Variants in TRIM44 observed in about 807,000 individuals in gnomAD.
TRIM44 encodes the protein tripartite motif-containing protein 44.
In TRIM44, 13 loss-of-function variants were observed where a neutral mutation model predicts 37.4. The ratio of observed to expected loss-of-function variants is 0.35; its 90% CI spans 0.23 to 0.55. The LOEUF is 0.55. Among genes scored for constraint, TRIM44 ranks in the 20% least tolerant of loss-of-function variants. The probability of loss-of-function intolerance (pLI) is 0.89; values close to 1 mark genes in which losing one functional copy is unlikely to be tolerated. For missense variants in TRIM44, 426 were observed against 437.2 expected (o/e 0.97, Z 0.23); for synonymous variants, 175 against 157.2 (o/e 1.11, Z -0.85).
In TRIM44 at chr11:35,816,306, T is replaced by G. The variant is rs1853579800; in HGVS notation, c.*9921T>G. ...CACAGAAGAGAAAATAAATAAGGTG[T>G]GGTGCGTATCCATCCTCTTCCCAAC... is the stretch of plus-strand genomic sequence containing the variant. On this transcript the variant is annotated 3_prime_UTR_variant, in exon 5 of 5. Coordinates refer to ENST00000299413, the MANE Select transcript of TRIM44 (RefSeq NM_017583.6). 6.6e-6 allele frequency: 1 copy of G among 152,056 alleles called. No individual in the cohort carries two copies. The highest frequency in any genetic ancestry group is 1.5e-5 in the Non-Finnish European group (1 of 68,012). The allele number at this position is 152,056 out of a possible 1,614,324, so 9.4% of individuals were successfully genotyped here.
At chr11:35,762,283 T>TC (rs1365274530) in intron 4 of TRIM44, among the ~76,000 whole-genome samples, 1 of 152,234 alleles carries the variant, frequency 6.6e-6, no homozygotes, top group East Asian at 1.9e-4. Context: ...GCATTTTTTT[T>TC]CCTTCCTGTC....
chr11:35,685,724 C>A (rs773136125), intron 2 of TRIM44, among the ~76,000 whole-genome samples: 1 of 152,020 alleles, frequency 6.6e-6, no homozygotes, highest in South Asian at 2.1e-4. Flanking sequence ...AGTGCAGTGG[C>A]GCAATCTTGG....
intron 4 of TRIM44, among the ~76,000 whole-genome samples, chr11:35,741,850 T>G (rs556943539): frequency 2.6e-5 from 4 of 152,334 alleles, no homozygotes; most frequent in Admixed American, 2.6e-4. Flanking sequence ...TGGATATAAC[T>G]AAGACTTTGT....
chr11:35,710,032 A>G (rs1458336671), intron 2 of TRIM44, among the ~76,000 whole-genome samples: 2 of 152,216 alleles, frequency 1.3e-5, no homozygotes, highest in African/African-American at 4.8e-5. Context: ...ACAGTTCAGC[A>G]GTTGCCTTAT....
At chr11:35,713,917 A>G (rs1852008162) in intron 2 of TRIM44, among the ~76,000 whole-genome samples, 1 of 152,176 alleles carries the variant, frequency 6.6e-6, no homozygotes, top group African/African-American at 2.4e-5. Flanking sequence ...TGTATCATTG[A>G]AGTAGACTGA....
chr11:35,712,149 G>A (rs1252298551), intron 2 of TRIM44, among the ~76,000 whole-genome samples: 1 of 152,144 alleles, frequency 6.6e-6, no homozygotes, highest in Non-Finnish European at 1.5e-5. Context: ...GCATAGGTCT[G>A]TTGCCTGTTC....
intron 2 of TRIM44, among the ~76,000 whole-genome samples, chr11:35,700,021 T>C (rs1463633239): frequency 6.6e-6 from 1 of 152,166 alleles, no homozygotes; most frequent in South Asian, 2.1e-4. Flanking sequence ...ATGGCCATAC[T>C]GCCCAAGGTA....
At chr11:35,751,160 A>G (rs1436930944) in intron 4 of TRIM44, among the ~76,000 whole-genome samples, 3 of 152,218 alleles carry the variant, frequency 2.0e-5, no homozygotes, top group African/African-American at 7.2e-5. Flanking sequence ...AAGGAATATT[A>G]CTAAATATAA....
intron 3 of TRIM44, among the ~76,000 whole-genome samples, chr11:35,728,407 T>C (rs1852212756): frequency 6.6e-6 from 1 of 152,204 alleles, no homozygotes; most frequent in South Asian, 2.1e-4. Flanking sequence ...ACATTAGCTG[T>C]CCTTTAAGCA....
chr11:35,788,307 C>A (rs1853156234), intron 4 of TRIM44, among the ~76,000 whole-genome samples: 1 of 152,128 alleles, frequency 6.6e-6, no homozygotes, highest in Non-Finnish European at 1.5e-5. Context: ...TTGTTAACAG[C>A]CATTTAAACC....
intron 4 of TRIM44, among the ~76,000 whole-genome samples, chr11:35,800,087 G>A (rs898148360): frequency 9.2e-5 from 14 of 152,160 alleles, no homozygotes; most frequent in East Asian, 1.9e-4. Flanking sequence ...ATGAAGCCGC[G>A]GACCTTCGCG....
At chr11:35,731,675 A>G (rs985883038) in intron 3 of TRIM44, among the ~76,000 whole-genome samples, 1 of 152,170 alleles carries the variant, frequency 6.6e-6, no homozygotes, top group Non-Finnish European at 1.5e-5. Context: ...TATAAAGCTA[A>G]GTATTAAAAA....
At chr11:35,796,961 G>A (rs1180458758) in intron 4 of TRIM44, among the ~76,000 whole-genome samples, 3 of 152,182 alleles carry the variant, frequency 2.0e-5, no homozygotes, top group South Asian at 2.1e-4. Context: ...TTCCTGTGCC[G>A]ATGTGAGTAA....
intron 4 of TRIM44, among the ~76,000 whole-genome samples, chr11:35,799,212 C>A (rs755703611): frequency 5.4e-4 from 82 of 152,318 alleles, no homozygotes; most frequent in Admixed American, 2.7e-3. Flanking sequence ...AGAAGTAGGC[C>A]ATCCCCACAC....
chr11:35,750,841 G>A (rs1852551091), intron 4 of TRIM44, among the ~76,000 whole-genome samples: 1 of 152,056 alleles, frequency 6.6e-6, no homozygotes, highest in Admixed American at 6.6e-5. Context: ...GCAATTAAAA[G>A]TGTAGCTATC....
intron 2 of TRIM44, among the ~76,000 whole-genome samples, chr11:35,692,155 T>C (rs1590510337): frequency 6.6e-6 from 1 of 152,144 alleles, no homozygotes; most frequent in African/African-American, 2.4e-5. Context: ...ATTTTTTTTT[T>C]ATCCTTGCAG....
At chr11:35,738,085 G>A (rs1467861943) in intron 4 of TRIM44, among the ~76,000 whole-genome samples, 2 of 152,138 alleles carry the variant, frequency 1.3e-5, no homozygotes, top group Non-Finnish European at 2.9e-5. Flanking sequence ...CAGAAAAAGA[G>A]TTCAAACAAG....
At chr11:35,796,227 C>T (rs771659442) in intron 4 of TRIM44, among the ~76,000 whole-genome samples, 50 of 149,886 alleles carry the variant, frequency 3.3e-4, no homozygotes, top group South Asian at 8.8e-4. Flanking sequence ...TGTGTGTGTG[C>T]GCGCGCGCAC....
intron 1 of TRIM44, among the ~76,000 whole-genome samples, chr11:35,680,565 CA>C (rs1399397017): frequency 6.6e-6 from 1 of 152,002 alleles, no homozygotes; most frequent in Non-Finnish European, 1.5e-5. Context: ...TTTATTTAGC[CA>C]CCCAATATTT....
Sources: allele counts gnomAD v4.1 joint callset (sites outside exome capture counted in the v4.1 genomes callset), GRCh38; gene constraint gnomAD v4.1.1; transcripts MANE v1.5; gene names NCBI Gene and HGNC (gene_info 2026-07-23, HGNC 2026-07-21).